Variants in LYPLAL1 observed in about 807,000 individuals in gnomAD.
LYPLAL1 encodes lysophospholipase like 1, also known as lysophospholipase-like protein 1.
A neutral mutation model predicts 19.7 loss-of-function variants in LYPLAL1; 23 were observed. The ratio of observed to expected loss-of-function variants is 1.17; its 90% CI spans 0.84 to 1.65. The LOEUF is 1.65. Among genes scored for constraint, LYPLAL1 ranks in the 40% most tolerant of loss-of-function variants. LYPLAL1 has a pLI of 0.00. For missense variants in LYPLAL1, 355 were observed against 279.4 expected, an observed-to-expected ratio of 1.27 and a Z score of -1.93; for synonymous variants, 119 against 96.3, an observed-to-expected ratio of 1.24 and a Z score of -1.38.
Position 219,179,263 on chromosome 1 carries a change from C to T in LYPLAL1, c.191+17C>T. 4 of 1,533,816 alleles carry T rather than the reference C, an allele frequency of 2.6e-6. No homozygotes were observed. The highest frequency in any genetic ancestry group is 3.6e-6 in the Non-Finnish European group (4 of 1,109,134). The stretch of plus-strand genomic sequence containing the variant: ...TCCTCCCAGGTATGCAGTAATTTAT[C>T]TCACTTGTCAATATAACTCTGTGGC... On this transcript the variant is annotated intron_variant, in intron 2 of 4. Transcript: ENST00000366928.
At chr1:219,434,209 A>G in the LYPLAL1 span, among the ~76,000 whole-genome samples, 2 of 152,216 alleles carry the variant, frequency 1.3e-5, no homozygotes, top group Non-Finnish European at 2.9e-5. Flanking sequence ...CCACAAAACT[A>G]CAAGTAAGAA....
the LYPLAL1 span, among the ~76,000 whole-genome samples, chr1:219,259,081 C>T: frequency 6.6e-6 from 1 of 151,352 alleles, no homozygotes; most frequent in South Asian, 2.1e-4. Context: ...CTTACTCCTG[C>T]AAAAATGGCC....
At chr1:219,337,467 G>A in the LYPLAL1 span, among the ~76,000 whole-genome samples, 1 of 151,968 alleles carries the variant, frequency 6.6e-6, no homozygotes, top group East Asian at 1.9e-4. Flanking sequence ...AATACATTCT[G>A]TTTCTTGTAT....
the LYPLAL1 span, among the ~76,000 whole-genome samples, chr1:219,253,721 G>A: frequency 6.6e-6 from 1 of 152,058 alleles, no homozygotes; most frequent in African/African-American, 2.4e-5. Context: ...TAGAGTATGT[G>A]CCATGTGGCA....
the LYPLAL1 span, among the ~76,000 whole-genome samples, chr1:219,338,662 C>T: frequency 6.6e-6 from 1 of 151,682 alleles, no homozygotes; most frequent in African/African-American, 2.4e-5. Flanking sequence ...TCATCAACAT[C>T]ATGATTAATG....
At chr1:219,435,771 A>C in the LYPLAL1 span, among the ~76,000 whole-genome samples, 667 of 152,178 alleles carry the variant, frequency 4.4e-3, 2 homozygotes, top group Non-Finnish European at 7.1e-3. Context: ...GGTTGCAGTG[A>C]GCCGAGACCA....
At chr1:219,282,372 T>C in the LYPLAL1 span, among the ~76,000 whole-genome samples, 1 of 152,026 alleles carries the variant, frequency 6.6e-6, no homozygotes, top group South Asian at 2.1e-4. Context: ...CTCCAGCTAC[T>C]AATTAGGAGT....
chr1:219,327,101 A>C, the LYPLAL1 span, among the ~76,000 whole-genome samples: 2 of 152,128 alleles, frequency 1.3e-5, no homozygotes. Context: ...CGTCTCAAAA[A>C]ACAAAAACAA....
chr1:219,263,917 G>T, the LYPLAL1 span, among the ~76,000 whole-genome samples: 1 of 151,988 alleles, frequency 6.6e-6, no homozygotes, highest in African/African-American at 2.4e-5. Flanking sequence ...CACTTCTTCC[G>T]CAGGATCTGT....
the LYPLAL1 span, among the ~76,000 whole-genome samples, chr1:219,360,579 A>G: frequency 6.6e-6 from 1 of 152,194 alleles, no homozygotes; most frequent in Non-Finnish European, 1.5e-5. Context: ...ACATTTGTAG[A>G]GTAAATGAAA....
chr1:219,307,061 C>A, the LYPLAL1 span, among the ~76,000 whole-genome samples: 48 of 145,210 alleles, frequency 3.3e-4, no homozygotes, highest in Middle Eastern at 7.4e-3. Context: ...TATATATAAT[C>A]ATCTCATCCC....
At chr1:219,278,869 A>T in the LYPLAL1 span, among the ~76,000 whole-genome samples, 2 of 152,184 alleles carry the variant, frequency 1.3e-5, no homozygotes, top group Admixed American at 1.3e-4. Context: ...GTTTAGCAGC[A>T]TCCCTGTCCT....
chr1:219,185,776 G>A (rs930673040), intron 2 of LYPLAL1, among the ~76,000 whole-genome samples: 5 of 151,880 alleles, frequency 3.3e-5, no homozygotes, highest in Admixed American at 1.3e-4. Flanking sequence ...TCTTATTACC[G>A]TAACACCTAT....
At chr1:219,412,279 G>A in the LYPLAL1 span, among the ~76,000 whole-genome samples, 1 of 152,022 alleles carries the variant, frequency 6.6e-6, no homozygotes, top group Admixed American at 6.5e-5. Flanking sequence ...CTCCTGCCTT[G>A]GCCTCCCAAA....
At chr1:219,422,247 A>G in the LYPLAL1 span, among the ~76,000 whole-genome samples, 1 of 152,252 alleles carries the variant, frequency 6.6e-6, no homozygotes, top group East Asian at 1.9e-4. Flanking sequence ...ACCACAGATC[A>G]TGTATAAATG....
At chr1:219,242,560 C>T in the LYPLAL1 span, among the ~76,000 whole-genome samples, 16 of 152,216 alleles carry the variant, frequency 1.1e-4, no homozygotes, top group African/African-American at 3.9e-4. Context: ...GTTCCTCTCA[C>T]TCCTTATTTT....
chr1:219,301,365 G>A, the LYPLAL1 span, among the ~76,000 whole-genome samples: 1 of 152,164 alleles, frequency 6.6e-6, no homozygotes, highest in African/African-American at 2.4e-5. Flanking sequence ...AAACATGTGA[G>A]GGAGCATAAT....
chr1:219,300,009 C>G, the LYPLAL1 span, among the ~76,000 whole-genome samples: 1 of 152,174 alleles, frequency 6.6e-6, no homozygotes, highest in South Asian at 2.1e-4. Flanking sequence ...GACAGAGTCT[C>G]GCTCTGTCAC....
intron 2 of LYPLAL1, among the ~76,000 whole-genome samples, chr1:219,184,180 C>A (rs956809199): frequency 1.2e-4 from 18 of 151,822 alleles, no homozygotes; most frequent in African/African-American, 3.9e-4. Flanking sequence ...CATGGTATGT[C>A]TCACCATTTA....
Sources: gnomAD v4.1 joint callset for allele counts (sites outside exome capture counted in the v4.1 genomes callset) on GRCh38, gnomAD v4.1.1 for gene constraint, MANE v1.5 for transcripts, NCBI Gene and HGNC (gene_info 2026-07-23, HGNC 2026-07-21) for gene names.